The following STRN3 variants were observed in gnomAD, a reference collection of about 807,000 sequenced individuals.
STRN3 encodes striatin 3, also known as striatin-3.
STRN3 carries 29 observed loss-of-function variants against 95.6 expected under a neutral mutation model. That is an observed-to-expected ratio of 0.30 (90% CI 0.23 to 0.41). The LOEUF (loss-of-function observed/expected upper bound fraction) is 0.41. STRN3 is among the 10% of genes least tolerant of loss of function. The probability of loss-of-function intolerance (pLI) is 1.00; values close to 1 mark genes in which losing one functional copy is unlikely to be tolerated. For missense variants in STRN3, 890 were observed against 972.1 expected (o/e 0.92, Z 1.12); for synonymous variants, 331 against 357.6 (o/e 0.93, Z 0.84).
At chr14:30,902,943 C>G (rs1362899719) in intron 15 of STRN3, among the ~76,000 whole-genome samples, 3 of 152,048 alleles carry the variant, frequency 2.0e-5, no homozygotes, top group African/African-American at 7.2e-5. Context: ...ATTATTACTT[C>G]TAATACACAG....
intron 7 of STRN3, among the ~76,000 whole-genome samples, chr14:30,929,590 A>T (rs1878379778): frequency 6.6e-6 from 1 of 152,140 alleles, no homozygotes; most frequent in African/African-American, 2.4e-5. Context: ...CTGACATTAG[A>T]AATCTAATGT....
At chr14:30,976,261 T>C (rs1022263986) in intron 1 of STRN3, among the ~76,000 whole-genome samples, 2 of 152,174 alleles carry the variant, frequency 1.3e-5, no homozygotes, top group Non-Finnish European at 2.9e-5. Context: ...AAAGTGGGAA[T>C]AGTTACATTA....
chr14:30,944,122 C>A (rs1472832831), intron 5 of STRN3, among the ~76,000 whole-genome samples: 1 of 151,852 alleles, frequency 6.6e-6, no homozygotes, highest in Non-Finnish European at 1.5e-5. Context: ...TATCGAGGAT[C>A]TTTGTAAGAT....
At chr14:30,999,985 G>C (rs1390966243) in intron 1 of STRN3, among the ~76,000 whole-genome samples, 1 of 152,138 alleles carries the variant, frequency 6.6e-6, no homozygotes. Context: ...GCAGCAGTGG[G>C]ATATATTCAA....
rs1226397773 is a variant in STRN3 at position 30,913,373 on chromosome 14, T to C, written c.1374+151A>G. 28 of 922,290 alleles carry C rather than the reference T, an allele frequency of 3.0e-5. No individual in the cohort carries two copies. In the East Asian group the frequency reaches 6.8e-4, roughly 22 times the overall value. 57.1% of individuals were successfully genotyped at this position (922,290 alleles called of 1,614,324 possible). ...TTAAATACCACAAAGAGAGTAGTTA[T>C]AAAAGAAAAACATGTCACTTCAAAT... On this transcript the variant is annotated intron_variant, in intron 10 of 17. Transcript: ENST00000357479.
At chr14:31,008,422 C>T (rs1383192767) in intron 1 of STRN3, among the ~76,000 whole-genome samples, 1 of 152,002 alleles carries the variant, frequency 6.6e-6, no homozygotes, top group Non-Finnish European at 1.5e-5. Flanking sequence ...GTGGGAGGAT[C>T]GAGTGAGCCC....
intron 1 of STRN3, among the ~76,000 whole-genome samples, chr14:31,016,542 A>AAT (rs150882034): frequency 0.036 from 5,463 of 150,168 alleles, 338 homozygotes; most frequent in African/African-American, 0.13. Flanking sequence ...AAATAATAAA[A>AAT]ATATATATAT....
intron 1 of STRN3, among the ~76,000 whole-genome samples, chr14:30,963,309 A>C (rs554684793): frequency 6.6e-6 from 1 of 152,344 alleles, no homozygotes; most frequent in Non-Finnish European, 1.5e-5. Context: ...TAACACACAT[A>C]TGCAGAACAC....
intron 1 of STRN3, among the ~76,000 whole-genome samples, chr14:30,980,186 A>C (rs1881321089): frequency 6.6e-6 from 1 of 151,834 alleles, no homozygotes; most frequent in Non-Finnish European, 1.5e-5. Context: ...CGGAGGCTGC[A>C]GTCAGCTGAG....
At chr14:31,024,216 G>A (rs866636876) in intron 1 of STRN3, among the ~76,000 whole-genome samples, 3 of 152,152 alleles carry the variant, frequency 2.0e-5, no homozygotes, top group Admixed American at 2.0e-4. Flanking sequence ...ATCCAAACTT[G>A]CATACAACAG....
intron 7 of STRN3, among the ~76,000 whole-genome samples, chr14:30,932,636 T>A (rs1173576329): frequency 1.3e-5 from 2 of 152,178 alleles, no homozygotes; most frequent in African/African-American, 4.8e-5. Context: ...ATATTGATAG[T>A]AAAAAGCTAA....
In STRN3 at chr14:30,895,202, CT is replaced by C; in HGVS notation, c.*208del. 7.1e-6 allele frequency: 4 copies of C among 563,154 alleles called. No homozygotes were observed. Among genetic ancestry groups the C allele is most frequent in the Non-Finnish European group, 9.0e-6 (3 of 334,148 alleles). 34.9% of individuals were successfully genotyped at this position (563,154 alleles called of 1,614,324 possible). A position where few individuals can be genotyped will look rare whatever the true frequency, so the allele number is the denominator to read the frequency against. On this transcript the variant is annotated 3_prime_UTR_variant, in exon 18 of 18. Coordinates refer to ENST00000357479, the MANE Select transcript of STRN3 (RefSeq NM_001083893.2). ...AGTACAGGCCACAAATACTGGAGTC[CT>C]TTTTTCTTTGTCCCACAAAATACAG...
chr14:30,987,039 G>C (rs1463977308), intron 1 of STRN3, among the ~76,000 whole-genome samples: 3 of 152,040 alleles, frequency 2.0e-5, no homozygotes, highest in Non-Finnish European at 2.9e-5. Flanking sequence ...CTTAATTTCA[G>C]TGTTTGCATA....
chr14:30,986,163 A>T (rs1290080969), intron 1 of STRN3, among the ~76,000 whole-genome samples: 2 of 152,212 alleles, frequency 1.3e-5, no homozygotes, highest in Admixed American at 1.3e-4. Flanking sequence ...TTTGGAAAAC[A>T]TGTATAAGGC....
At chr14:31,017,638 G>C (rs1161232304) in intron 1 of STRN3, among the ~76,000 whole-genome samples, 2 of 152,152 alleles carry the variant, frequency 1.3e-5, no homozygotes, top group African/African-American at 2.4e-5. Context: ...TTTCCCCCAA[G>C]GATACCATGG....
chr14:30,945,714 A>C (rs574549788), intron 5 of STRN3, among the ~76,000 whole-genome samples: 1 of 152,360 alleles, frequency 6.6e-6, no homozygotes, highest in Admixed American at 6.5e-5. Flanking sequence ...TGCATGCTAT[A>C]ACACGGATAA....
At chr14:30,898,044 T>A (rs947469883) in intron 16 of STRN3, among the ~76,000 whole-genome samples, 1 of 152,134 alleles carries the variant, frequency 6.6e-6, no homozygotes, top group Non-Finnish European at 1.5e-5. Flanking sequence ...CAGGCCAGAG[T>A]ACAGTGGCAC....
chr14:30,989,294 G>A (rs1320913671), intron 1 of STRN3, among the ~76,000 whole-genome samples: 1 of 152,026 alleles, frequency 6.6e-6, no homozygotes, highest in Non-Finnish European at 1.5e-5. Context: ...TCACAGCAAT[G>A]GCACCCATAC....
chr14:30,902,742 A>T (rs1896359043), intron 15 of STRN3, 99 bp from the exon 16 acceptor site: 1 of 794,536 alleles, frequency 1.3e-6, no homozygotes, highest in Non-Finnish European at 2.0e-6. Flanking sequence ...AATCATTAAA[A>T]ACTAAACCTT....
Sources: gnomAD v4.1 joint callset for allele counts (sites outside exome capture counted in the v4.1 genomes callset) on GRCh38, gnomAD v4.1.1 for gene constraint, MANE v1.5 for transcripts, NCBI Gene and HGNC (gene_info 2026-07-23, HGNC 2026-07-21) for gene names.